The following ARHGAP22 variants were observed in gnomAD, a reference collection of about 807,000 sequenced individuals.
ARHGAP22 encodes the protein Rho GTPase activating protein 22.
Under a neutral mutation model 59.1 loss-of-function variants are expected in ARHGAP22, and 48 were observed. The ratio of observed to expected loss-of-function variants is 0.81; its 90% CI spans 0.64 to 1.03. ARHGAP22 has a LOEUF of 1.03. ARHGAP22 is among the 50% of genes least tolerant of loss of function. The pLI is 0.00. For synonymous variants in ARHGAP22, 445 were observed against 416.4 expected, an observed-to-expected ratio of 1.07 and a Z score of -0.84; for missense variants, 1,015 against 958.7, an observed-to-expected ratio of 1.06 and a Z score of -0.78.
rs1237351236 is a variant in ARHGAP22 at position 48,455,264 on chromosome 10, T to C, written c.660-130A>G. 1.2e-5 allele frequency: 13 copies of C among 1,124,432 alleles called. No individual in the cohort carries two copies. In the Admixed American group the frequency reaches 2.8e-4, roughly 24 times the overall value. The allele number at this position is 1,124,432 out of a possible 1,614,324, so 69.7% of individuals were successfully genotyped here. Reference sequence around the variant, plus strand: ...ATTCTTGGGCGCACTGGGGGCTGCATCTGCGGCCAGCTGCCCTGGTCAAGG... The same window carrying C: ...ATTCTTGGGCGCACTGGGGGCTGCACCTGCGGCCAGCTGCCCTGGTCAAGG... On this transcript the variant is annotated intron_variant, in intron 5 of 9. Transcript: ENST00000249601.
chr10:48,443,759 G>T (rs930095542), downstream of ARHGAP22: 3 of 152,098 alleles, frequency 2.0e-5, no homozygotes, highest in Admixed American at 1.3e-4. Flanking sequence ...ATGGATATAT[G>T]GGTTCCATTC....
chr10:48,520,789 A>C (rs998126483), intron 3 of ARHGAP22, among the ~76,000 whole-genome samples: 1 of 152,036 alleles, frequency 6.6e-6, no homozygotes, highest in Non-Finnish European at 1.5e-5. Flanking sequence ...AGGAAGGGTG[A>C]GGGGCGAAGA....
At chr10:48,436,728 T>A in the ARHGAP22 span, 1 of 152,244 alleles carries the variant, frequency 6.6e-6, no homozygotes, top group Admixed American at 6.5e-5. Context: ...TTAGCTTTTT[T>A]ATATACTTTG....
chr10:48,594,896 C>G (rs867278364), intron 1 of ARHGAP22, among the ~76,000 whole-genome samples: 1 of 151,600 alleles, frequency 6.6e-6, no homozygotes, highest in Non-Finnish European at 1.5e-5. Flanking sequence ...CCCCTCCCCC[C>G]CAACTGTGTC....
At chr10:48,463,746 A>C (rs2047381488) in intron 4 of ARHGAP22, among the ~76,000 whole-genome samples, 1 of 152,120 alleles carries the variant, frequency 6.6e-6, no homozygotes, top group African/African-American at 2.4e-5. Context: ...CCACTACTCC[A>C]GACAGTGTGA....
chr10:48,550,959 C>G (rs570238470), intron 3 of ARHGAP22, among the ~76,000 whole-genome samples: 120 of 152,196 alleles, frequency 7.9e-4, no homozygotes, highest in Non-Finnish European at 1.5e-3. Context: ...TCCCTCACAT[C>G]TGGTTCAAAG....
At chr10:48,603,826 G>C (rs1414908526) in intron 1 of ARHGAP22, among the ~76,000 whole-genome samples, 1 of 152,316 alleles carries the variant, frequency 6.6e-6, no homozygotes, top group South Asian at 2.1e-4. Flanking sequence ...CTAATAAGAT[G>C]GGTGTGTTCC....
At chr10:48,526,315 C>A (rs960359513) in intron 3 of ARHGAP22, among the ~76,000 whole-genome samples, 2 of 152,122 alleles carry the variant, frequency 1.3e-5, no homozygotes, top group African/African-American at 4.8e-5. Flanking sequence ...AAGAGCAGGG[C>A]AGATTTCTGC....
intron 3 of ARHGAP22, among the ~76,000 whole-genome samples, chr10:48,501,619 A>C (rs771845667): frequency 3.3e-5 from 5 of 152,252 alleles, no homozygotes; most frequent in Non-Finnish European, 7.3e-5. Flanking sequence ...CCAGCAATCT[A>C]TTCCTAGAAA....
At chr10:48,480,687 C>A (rs897626693) in intron 3 of ARHGAP22, among the ~76,000 whole-genome samples, 7 of 152,240 alleles carry the variant, frequency 4.6e-5, no homozygotes, top group African/African-American at 1.7e-4. Context: ...GCACAGCTGC[C>A]ACACACATGC....
intron 2 of ARHGAP22, among the ~76,000 whole-genome samples, chr10:48,581,032 T>G (rs1430248347): frequency 6.6e-6 from 1 of 151,794 alleles, no homozygotes; most frequent in Non-Finnish European, 1.5e-5. Flanking sequence ...GGACCTAAAT[T>G]TAAAATCGGG....
intron 1 of ARHGAP22, among the ~76,000 whole-genome samples, chr10:48,612,541 A>T (rs1315916455): frequency 6.6e-6 from 1 of 152,068 alleles, no homozygotes; most frequent in Non-Finnish European, 1.5e-5. Flanking sequence ...CACAGGTGGC[A>T]CTCTGCAGGG....
chr10:48,549,449 T>A (rs1288199166), intron 3 of ARHGAP22, among the ~76,000 whole-genome samples: 1 of 152,186 alleles, frequency 6.6e-6, no homozygotes, highest in Non-Finnish European at 1.5e-5. Flanking sequence ...CCTGCTTTCC[T>A]GGTGGCACCA....
At chr10:48,492,931 G>C (rs2050548895) in intron 3 of ARHGAP22, among the ~76,000 whole-genome samples, 1 of 152,168 alleles carries the variant, frequency 6.6e-6, no homozygotes, top group South Asian at 2.1e-4. Flanking sequence ...ATCTACAATA[G>C]TAGCATTAAT....
chr10:48,626,959 G>A (rs1225371475), intron 1 of ARHGAP22, among the ~76,000 whole-genome samples: 1 of 152,184 alleles, frequency 6.6e-6, no homozygotes, highest in African/African-American at 2.4e-5. Flanking sequence ...GAGAGGAACT[G>A]GAGATTGAGT....
intron 3 of ARHGAP22, among the ~76,000 whole-genome samples, chr10:48,541,692 G>A (rs1429746026): frequency 6.6e-6 from 1 of 152,206 alleles, no homozygotes; most frequent in Non-Finnish European, 1.5e-5. Flanking sequence ...CTGGAGTATA[G>A]ACCATGTTAT....
intron 3 of ARHGAP22, among the ~76,000 whole-genome samples, chr10:48,505,157 G>A (rs1235644683): frequency 3.3e-5 from 5 of 152,130 alleles, no homozygotes; most frequent in Admixed American, 1.3e-4. Flanking sequence ...GGATTCAAGC[G>A]ATTCTCCTGC....
chr10:48,455,030 G>A lies in ARHGAP22; in HGVS notation c.764C>T (p.Ala255Val). The A allele has an allele frequency of 6.2e-7, 1 of 1,609,932 alleles. No individual in the cohort carries two copies. Among genetic ancestry groups the A allele is most frequent in the South Asian group, 1.1e-5 (1 of 90,678 alleles). The change falls in exon 6 of 10, where the codon GCC becomes GTC. Residue 255 changes from alanine to valine, a missense_variant. Coordinates refer to ENST00000249601, the MANE Select transcript of ARHGAP22 (RefSeq NM_021226.4). ...FARYEDFLSC[A>V]QLLTKDEGEG... ...CCCCTCGTCCTTGGTGAGCAGCTGG[G>A]CGCAGCTGAGGAAGTCCTCGTACCT...
At chr10:48,514,696 G>A (rs1564800634) in intron 3 of ARHGAP22, among the ~76,000 whole-genome samples, 1 of 152,132 alleles carries the variant, frequency 6.6e-6, no homozygotes, top group Non-Finnish European at 1.5e-5. Flanking sequence ...CAAAATAAAT[G>A]TATTTTTATA....
Sources: allele counts gnomAD v4.1 joint callset (sites outside exome capture counted in the v4.1 genomes callset), GRCh38; gene constraint gnomAD v4.1.1; transcripts MANE v1.5; gene names NCBI Gene and HGNC (gene_info 2026-07-23, HGNC 2026-07-21).